RGS7: variants seen among roughly 807,000 people sequenced by gnomAD.
RGS7 encodes regulator of G protein signaling 7.
A neutral mutation model predicts 81.1 loss-of-function variants in RGS7; 27 were observed. That is an observed-to-expected ratio of 0.33 (90% confidence interval 0.25 to 0.46). The LOEUF is 0.46. Ranked by LOEUF, RGS7 falls within the 20% of genes least tolerant of loss-of-function variation. The pLI is 1.00. For missense variants in RGS7, 396 were observed against 607.4 expected (o/e 0.65, Z 3.66); for synonymous variants, 208 against 207.7 (o/e 1.00, Z -0.01).
chr1:240,842,614 A>C (rs1370794313), intron 9 of RGS7, among the ~76,000 whole-genome samples: 1 of 103,738 alleles, frequency 9.6e-6, no homozygotes, highest in Admixed American at 1.1e-4. Flanking sequence ...TTAATTTTTA[A>C]AAAGGTAAGC....
chr1:241,243,878 T>C (rs1438570546), intron 2 of RGS7, among the ~76,000 whole-genome samples: 1 of 152,164 alleles, frequency 6.6e-6, no homozygotes, highest in Non-Finnish European at 1.5e-5. Context: ...AGACAGATCA[T>C]TTCATTATTC....
chr1:241,115,702 C>T (rs1416545960), intron 2 of RGS7, among the ~76,000 whole-genome samples: 2 of 152,154 alleles, frequency 1.3e-5, no homozygotes, highest in Non-Finnish European at 2.9e-5. Context: ...CTTGAAAGGC[C>T]ATCCTTGTCT....
chr1:240,944,215 G>A (rs372459176), intron 4 of RGS7, among the ~76,000 whole-genome samples: 1 of 145,424 alleles, frequency 6.9e-6, no homozygotes, highest in African/African-American at 2.6e-5. Flanking sequence ...GATTTAGATA[G>A]GTAGTTCCAT....
intron 2 of RGS7, among the ~76,000 whole-genome samples, chr1:241,193,254 G>A (rs929628837): frequency 1.3e-5 from 2 of 152,174 alleles, no homozygotes; most frequent in Admixed American, 1.3e-4. Flanking sequence ...GCTAAGCCAA[G>A]AATTATTCAA....
chr1:241,315,101 C>T (rs927293231), intron 2 of RGS7, among the ~76,000 whole-genome samples: 168 of 51,614 alleles, frequency 3.3e-3, no homozygotes, highest in East Asian at 5.1e-3. Flanking sequence ...TTTTTTTCTT[C>T]TTCTTCTTTT....
chr1:240,987,953 T>A (rs904245426), intron 3 of RGS7, among the ~76,000 whole-genome samples: 2 of 152,206 alleles, frequency 1.3e-5, no homozygotes, highest in Admixed American at 6.5e-5. Flanking sequence ...AAATAGCATG[T>A]AATAAACATC....
At chr1:241,013,568 G>A (rs932999834) in intron 3 of RGS7, among the ~76,000 whole-genome samples, 16 of 152,242 alleles carry the variant, frequency 1.1e-4, no homozygotes, top group East Asian at 3.9e-4. Flanking sequence ...TGCTAGTGTC[G>A]TGGTGTTGTT....
intron 5 of RGS7, among the ~76,000 whole-genome samples, chr1:240,932,653 T>C (rs12731198): frequency 0.064 from 8,826 of 137,522 alleles, 347 homozygotes; most frequent in Non-Finnish European, 0.094. Flanking sequence ...GGACTACAGG[T>C]GCCCGCCACC....
chr1:240,944,417 G>C (rs1479141354), intron 4 of RGS7, among the ~76,000 whole-genome samples: 2 of 149,858 alleles, frequency 1.3e-5, no homozygotes, highest in African/African-American at 4.9e-5. Flanking sequence ...CATCACAATG[G>C]CAAGGGCCAG....
intron 9 of RGS7, among the ~76,000 whole-genome samples, chr1:240,845,959 C>T (rs1344856414): frequency 6.6e-6 from 1 of 152,044 alleles, no homozygotes; most frequent in Non-Finnish European, 1.5e-5. Context: ...TATTGGAGCC[C>T]CGTGGAAAAG....
intron 2 of RGS7, among the ~76,000 whole-genome samples, chr1:241,307,603 T>A (rs907942791): frequency 3.3e-5 from 5 of 152,156 alleles, no homozygotes; most frequent in Non-Finnish European, 4.4e-5. Flanking sequence ...AAGAGGATAC[T>A]GATTATTGAT....
intron 2 of RGS7, among the ~76,000 whole-genome samples, chr1:241,330,573 C>T (rs1388183116): frequency 6.6e-6 from 1 of 152,134 alleles, no homozygotes; most frequent in Non-Finnish European, 1.5e-5. Context: ...CAATGAAGCT[C>T]TTGAAAACAC....
In RGS7 at chr1:240,983,739, A is replaced by G. The variant is rs536329414; in HGVS notation, c.176-610T>C. Reference sequence around the variant, plus strand: ...TGTCCATGAAACCTCATTGGAACCCATGCAGTCTTTTATTGTCGTGTTGAT... The same window carrying G: ...TGTCCATGAAACCTCATTGGAACCCGTGCAGTCTTTTATTGTCGTGTTGAT... On this transcript the variant is annotated intron_variant, in intron 3 of 18. Coordinates refer to ENST00000440928, the MANE Select transcript of RGS7 (RefSeq NM_001364886.1). Among the ~76,000 whole-genome samples, 10 of 152,266 alleles carry G rather than the reference A, an allele frequency of 6.6e-5. No homozygotes were observed. In the South Asian group the frequency reaches 1.2e-3, roughly 19 times the overall value.
chr1:241,252,896 C>T (rs989016274), intron 2 of RGS7, among the ~76,000 whole-genome samples: 2 of 152,152 alleles, frequency 1.3e-5, no homozygotes, highest in East Asian at 1.9e-4. Flanking sequence ...CCCTTATCCT[C>T]GGACTTGCTT....
chr1:240,984,111 T>C lies in RGS7; in HGVS notation c.176-982A>G, dbSNP rs76042304. Among the ~76,000 whole-genome samples, 920 of 152,236 alleles carry C rather than the reference T, an allele frequency of 6.0e-3. 9 individuals are homozygous for C. The highest frequency in any genetic ancestry group is 0.013 in the Admixed American group (195 of 15,286). ...GTAAGTGCTGGGAATAATAGAAAAT[T>C]GAAAGTAATAATGGAGTGCACAGTA... On this transcript the variant is annotated intron_variant, in intron 3 of 18. Coordinates refer to ENST00000440928, the MANE Select transcript of RGS7 (RefSeq NM_001364886.1).
At chr1:241,003,131 A>G (rs1199105812) in intron 3 of RGS7, among the ~76,000 whole-genome samples, 2 of 152,182 alleles carry the variant, frequency 1.3e-5, no homozygotes, top group Non-Finnish European at 2.9e-5. Context: ...ATACACAAAG[A>G]TACTTATTTT....
chr1:240,795,856 T>C (rs1686968254), intron 18 of RGS7, among the ~76,000 whole-genome samples: 1 of 152,230 alleles, frequency 6.6e-6, no homozygotes, highest in African/African-American at 2.4e-5. Flanking sequence ...TTGTGCAAAA[T>C]GCTAATTGGA....
intron 18 of RGS7, among the ~76,000 whole-genome samples, chr1:240,784,969 T>C (rs1487719519): frequency 6.6e-6 from 1 of 152,146 alleles, no homozygotes; most frequent in Non-Finnish European, 1.5e-5. Context: ...GGACCAGAGA[T>C]AGGGAATGTT....
chr1:240,862,841 A>G (rs1662465812), intron 9 of RGS7, among the ~76,000 whole-genome samples: 1 of 152,124 alleles, frequency 6.6e-6, no homozygotes, highest in African/African-American at 2.4e-5. Context: ...TAGTTTTTCA[A>G]TTAACCTTCT....
Sources: allele counts gnomAD v4.1 joint callset (sites outside exome capture counted in the v4.1 genomes callset), GRCh38; gene constraint gnomAD v4.1.1; transcripts MANE v1.5; gene names NCBI Gene and HGNC (gene_info 2026-07-23, HGNC 2026-07-21).